COPS4: variants seen among roughly 807,000 people sequenced by gnomAD.
COPS4 encodes COP9 signalosome complex subunit 4.
COPS4 carries 8 observed loss-of-function variants against 55.1 expected under a neutral mutation model. The observed-to-expected ratio is 0.15, with a 90% CI of 0.09 to 0.26. The LOEUF (loss-of-function observed/expected upper bound fraction) is 0.26. Among genes scored for constraint, COPS4 ranks in the 10% least tolerant of loss-of-function variants. The pLI is 1.00. For missense variants in COPS4, 248 were observed against 484.0 expected (o/e 0.51, Z 4.58); for synonymous variants, 185 against 165.7 (o/e 1.12, Z -0.90).
chr4:83,071,291 AC>A lies in COPS4; in HGVS notation c.1087+2770del, dbSNP rs1361710526. ...TAAATGAGAAATAAGTGTTGAATAAACAAACACAGCATATGATGAGTAATAT... is the reference window on the plus strand; with the variant it reads ...TAAATGAGAAATAAGTGTTGAATAAAAAACACAGCATATGATGAGTAATAT... On this transcript the variant is annotated intron_variant, in intron 9 of 9. Transcript: ENST00000264389. Among the ~76,000 whole-genome samples the A allele has an allele frequency of 2.0e-5, 3 of 152,220 alleles. No individual in the cohort carries two copies. In the East Asian group the frequency reaches 5.8e-4, roughly 29 times the overall value.
rs745485226 is a variant in COPS4 at position 83,035,301 on chromosome 4, G to A, written c.74+3G>A. ...TCTCATAAAGATCTGGCTGGCAAGT[G>A]AGTATTTCCCAGGAACGCGGGAGTA... On this transcript the variant is annotated splice_donor_region_variant and intron_variant, in intron 1 of 9. Coordinates refer to ENST00000264389, the MANE Select transcript of COPS4 (RefSeq NM_016129.3). The A allele has an allele frequency of 5.9e-5, 92 of 1,552,330 alleles. 2 individuals carry two copies. The South Asian group carries it at 6.9e-4, about 12-fold the overall frequency.
At chr4:83,056,685 G>C (rs1731022825) in intron 4 of COPS4, among the ~76,000 whole-genome samples, 1 of 152,138 alleles carries the variant, frequency 6.6e-6, no homozygotes, top group Non-Finnish European at 1.5e-5. Context: ...TGTAGTCCCA[G>C]CTACTTGGGA....
At chr4:83,043,518 C>CAAAAAAAAAAAA (rs34480105) in intron 1 of COPS4, among the ~76,000 whole-genome samples, 1 of 17,678 alleles carries the variant, frequency 5.7e-5, no homozygotes, top group Admixed American at 8.7e-4. Context: ...GACCCTGTCT[C>CAAAAAAAAAAAA]AAAAAAAAAA....
At chr4:83,060,333 G>A (rs1372938072) in intron 6 of COPS4, among the ~76,000 whole-genome samples, 1 of 140,550 alleles carries the variant, frequency 7.1e-6, no homozygotes, top group Non-Finnish European at 1.5e-5. Flanking sequence ...ACAGGTGCCC[G>A]CCACCACGCG....
At chr4:83,041,454 CTAT>C (rs1167120766) in intron 1 of COPS4, among the ~76,000 whole-genome samples, 1 of 152,008 alleles carries the variant, frequency 6.6e-6, no homozygotes, top group African/African-American at 2.4e-5. Context: ...ATATAAAAAG[CTAT>C]TATTATCTAC....
intron 1 of COPS4, among the ~76,000 whole-genome samples, chr4:83,043,082 A>G (rs1014836830): frequency 2.6e-5 from 4 of 152,172 alleles, no homozygotes; most frequent in Admixed American, 2.0e-4. Context: ...TTGGGAGTTT[A>G]TGTACACAAT....
chr4:83,063,031 G>A (rs1488813727), intron 6 of COPS4, 45 bp from the exon 7 acceptor site: 7 of 1,475,118 alleles, frequency 4.7e-6, no homozygotes, highest in Non-Finnish European at 6.3e-6. Context: ...AAGAAACATT[G>A]TGAAAATAAC....
intron 2 of COPS4, among the ~76,000 whole-genome samples, chr4:83,046,092 A>G (rs546395588): frequency 6.4e-4 from 97 of 152,006 alleles, no homozygotes; most frequent in Non-Finnish European, 1.1e-3. Flanking sequence ...AATGTACTCT[A>G]TAGTACATTA....
chr4:83,075,280 A>AT lies in COPS4; in HGVS notation c.1088-9dup, dbSNP rs375780102. 2.3e-4 allele frequency: 368 copies of AT among 1,608,698 alleles called. 2 individuals carry two copies. In the African/African-American group the frequency reaches 4.1e-3, roughly 18 times the overall value. On this transcript the variant is annotated splice_polypyrimidine_tract_variant and intron_variant, in intron 9 of 9. Transcript: ENST00000264389. ...CAAAGGAATAATTTTAATTTTGTAC[A>AT]TTTTTTTTCCCCTTAGCACGAGAAG...
At chr4:83,055,064 C>CT (rs761096042) in intron 4 of COPS4, among the ~76,000 whole-genome samples, 151,592 of 152,358 alleles carry the variant, frequency 0.99, 75,415 homozygotes, top group Middle Eastern at 1. Context: ...CTCCCATTCT[C>CT]CTTTGCCCCC....
At chr4:83,055,199 C>T (rs1458831931) in intron 4 of COPS4, among the ~76,000 whole-genome samples, 3 of 152,102 alleles carry the variant, frequency 2.0e-5, no homozygotes, top group East Asian at 1.9e-4. Flanking sequence ...TAGGATTAAT[C>T]TTGTTTCATG....
chr4:83,057,416 C>A lies in COPS4; in HGVS notation c.715+8C>A. On this transcript the variant is annotated splice_region_variant and intron_variant, in intron 6 of 9. Transcript: ENST00000264389. ...CGATCTTAGCATCAGCAGGTAAACA[C>A]GTAATAATTTATACTTAAATGAACA... The A allele has an allele frequency of 6.5e-7, 1 of 1,548,602 alleles. No individual in the cohort carries two copies. Among genetic ancestry groups the A allele is most frequent in the Non-Finnish European group, 8.7e-7 (1 of 1,149,090 alleles).
At chr4:83,062,339 C>G (rs1020683845) in intron 6 of COPS4, among the ~76,000 whole-genome samples, 3 of 152,194 alleles carry the variant, frequency 2.0e-5, no homozygotes, top group African/African-American at 7.2e-5. Context: ...TCATGTATGA[C>G]TGTATGGTTG....
chr4:83,048,925 G>A (rs1444400005), intron 2 of COPS4, among the ~76,000 whole-genome samples: 1 of 152,100 alleles, frequency 6.6e-6, no homozygotes, highest in Non-Finnish European at 1.5e-5. Flanking sequence ...GATTACAGGC[G>A]TGAGCCATCG....
chr4:83,063,426 G>A (rs1362863551), intron 7 of COPS4, among the ~76,000 whole-genome samples, 180 bp downstream of exon 7: 1 of 149,926 alleles, frequency 6.7e-6, no homozygotes, highest in African/African-American at 2.5e-5. Context: ...TTGAGACAGA[G>A]TCTTGCTCTG....
intron 9 of COPS4, among the ~76,000 whole-genome samples, chr4:83,070,090 CCCA>C (rs1453968605): frequency 2.0e-5 from 3 of 149,736 alleles, no homozygotes; most frequent in Non-Finnish European, 4.5e-5. Context: ...GAACCTTCAC[CCCA>C]CCACCACAGC....
At chr4:83,039,497 T>C (rs1254230180) in intron 1 of COPS4, among the ~76,000 whole-genome samples, 1 of 152,194 alleles carries the variant, frequency 6.6e-6, no homozygotes, top group African/African-American at 2.4e-5. Context: ...TAAAGGGACA[T>C]GGGTACTGGG....
intron 1 of COPS4, 115 bp downstream of exon 1, chr4:83,035,413 C>A: frequency 2.3e-6 from 2 of 863,480 alleles, no homozygotes; most frequent in Non-Finnish European, 3.5e-6. Context: ...GCCTGACGTC[C>A]AAGGGGGCGG....
At chr4:83,038,835 G>C (rs1282756673) in intron 1 of COPS4, among the ~76,000 whole-genome samples, 2 of 152,118 alleles carry the variant, frequency 1.3e-5, no homozygotes, top group African/African-American at 4.8e-5. Flanking sequence ...AGTAGAGACA[G>C]GGTTTCACCA....
Sources: gnomAD v4.1 joint callset for allele counts (sites outside exome capture counted in the v4.1 genomes callset) on GRCh38, gnomAD v4.1.1 for gene constraint, MANE v1.5 for transcripts, NCBI Gene and HGNC (gene_info 2026-07-23, HGNC 2026-07-21) for gene names.